Variants in YTHDF3 observed in about 807,000 individuals in gnomAD.
YTHDF3 encodes YTH domain-containing family protein 3.
In YTHDF3, 9 loss-of-function variants were observed where a neutral mutation model predicts 52.5. The observed-to-expected ratio is 0.17, with a 90% confidence interval of 0.10 to 0.30. The LOEUF is 0.30. YTHDF3 is among the 10% of genes least tolerant of loss of function. The pLI is 1.00. For synonymous variants in YTHDF3, 274 were observed against 243.3 expected, an observed-to-expected ratio of 1.13 and a Z score of -1.18; for missense variants, 534 against 715.0, an observed-to-expected ratio of 0.75 and a Z score of 2.89.
intron 3 of YTHDF3, among the ~76,000 whole-genome samples, chr8:63,176,969 G>A (rs1295821323): frequency 6.6e-6 from 1 of 152,148 alleles, no homozygotes; most frequent in Non-Finnish European, 1.5e-5. Context: ...ATGAGCCACC[G>A]TGCCCAGCCT....
intron 2 of YTHDF3, among the ~76,000 whole-genome samples, chr8:63,170,070 G>A (rs774216939): frequency 4.6e-5 from 7 of 152,108 alleles, no homozygotes; most frequent in Non-Finnish European, 1.0e-4. Flanking sequence ...TTTTTAAAAA[G>A]TGTGTTTTGT....
chr8:63,176,045 C>T (rs918234407), intron 3 of YTHDF3, among the ~76,000 whole-genome samples: 2 of 151,840 alleles, frequency 1.3e-5, no homozygotes, highest in African/African-American at 2.4e-5. Context: ...TGTGTACAAG[C>T]GTAATTCCAA....
At chr8:63,173,206 A>ATATATATATATATATATCTATATATC (rs1264719044) in intron 2 of YTHDF3, among the ~76,000 whole-genome samples, 1 of 145,390 alleles carries the variant, frequency 6.9e-6, no homozygotes, top group African/African-American at 2.7e-5. Context: ...TTATATTTAT[A>ATATATATATATATATATCTATATATC]TATATATACA....
At chr8:63,201,977 C>T (rs1006213765) in intron 4 of YTHDF3, among the ~76,000 whole-genome samples, 8 of 152,142 alleles carry the variant, frequency 5.3e-5, no homozygotes, top group African/African-American at 1.7e-4. Context: ...CCTATGCCAC[C>T]ATATATTTAG....
At chr8:63,195,200 A>G (rs1465174441) in intron 4 of YTHDF3, among the ~76,000 whole-genome samples, 2 of 152,202 alleles carry the variant, frequency 1.3e-5, no homozygotes, top group African/African-American at 4.8e-5. Flanking sequence ...GCTAGTTAGT[A>G]TTTGTATTAT....
chr8:63,179,868 C>A (rs1333488501), intron 3 of YTHDF3, among the ~76,000 whole-genome samples: 12 of 151,540 alleles, frequency 7.9e-5, no homozygotes, highest in Non-Finnish European at 1.8e-4. Flanking sequence ...CACCTCCCCC[C>A]GGATGGGGCG....
intron 3 of YTHDF3, among the ~76,000 whole-genome samples, chr8:63,181,762 C>T (rs1003234697): frequency 6.6e-6 from 1 of 152,142 alleles, no homozygotes; most frequent in Non-Finnish European, 1.5e-5. Flanking sequence ...TATTTTTTGT[C>T]TCCAGTAACC....
chr8:63,206,703 A>G (rs1417015929), intron 4 of YTHDF3, among the ~76,000 whole-genome samples: 1 of 152,166 alleles, frequency 6.6e-6, no homozygotes, highest in East Asian at 1.9e-4. Context: ...CGTGATATCT[A>G]GACTTCATTT....
At chr8:63,184,349 G>A (rs1401814087) in intron 3 of YTHDF3, among the ~76,000 whole-genome samples, 2 of 152,178 alleles carry the variant, frequency 1.3e-5, no homozygotes, top group Non-Finnish European at 2.9e-5. Context: ...ACTGGCAATA[G>A]CCAGTAAATC....
intron 4 of YTHDF3, among the ~76,000 whole-genome samples, chr8:63,195,018 T>C (rs1381000771): frequency 6.6e-6 from 1 of 152,198 alleles, no homozygotes; most frequent in Non-Finnish European, 1.5e-5. Flanking sequence ...TTTTATTGAC[T>C]GATTATTTTG....
chr8:63,190,665 A>G (rs1198032404), intron 4 of YTHDF3, among the ~76,000 whole-genome samples: 1 of 152,160 alleles, frequency 6.6e-6, no homozygotes, highest in Non-Finnish European at 1.5e-5. Flanking sequence ...AACTGTTCAA[A>G]TAAGGCAAAT....
intron 1 of YTHDF3, 197 bp downstream of exon 1, chr8:63,169,098 C>T (rs984174295): frequency 8.0e-6 from 11 of 1,380,568 alleles, no homozygotes; most frequent in African/African-American, 3.1e-5. Context: ...GGCGCGGTGC[C>T]GCGGCGGGTG....
At position 63,175,399 on chromosome 8, in the gene YTHDF3, A is replaced by C; in HGVS notation, c.118A>C (p.Ser40Arg). The change falls in exon 3 of 5, where the codon AGT becomes CGT. Residue 40 changes from serine (S) to arginine (R), a missense_variant. Physicochemically the swap from Ser to Arg is moderately radical, Grantham distance 110. Transcript: ENST00000539294. ...VNDDDFEPYL[S>R]SQTNQSNSYP... ...TGATGATGATTTTGAGCCATACTTAAGTAGCCAGACAAATCAGGTAAGTCT... is the reference window on the plus strand; with the variant it reads ...TGATGATGATTTTGAGCCATACTTACGTAGCCAGACAAATCAGGTAAGTCT... 1 of 1,611,922 alleles carries C rather than the reference A, an allele frequency of 6.2e-7. No individual in the cohort carries two copies.
intron 2 of YTHDF3, chr8:63,172,634 A>G (rs1355645674): frequency 1.1e-5 from 5 of 443,252 alleles, no homozygotes; most frequent in East Asian, 3.6e-5. Flanking sequence ...GGTATATGGT[A>G]TTGTCGCTGT....
chr8:63,169,330 A>G (rs771201488), intron 1 of YTHDF3, 57 bp from the exon 2 acceptor site: 143 of 1,561,794 alleles, frequency 9.2e-5, no homozygotes, highest in South Asian at 4.4e-4. Context: ...TGATTAACAC[A>G]CTTTTTCTTT....
intron 3 of YTHDF3, among the ~76,000 whole-genome samples, chr8:63,183,343 T>A (rs1030795846): frequency 3.3e-5 from 5 of 152,210 alleles, no homozygotes; most frequent in African/African-American, 1.2e-4. Flanking sequence ...AGAGTTTTTT[T>A]AATCACAGTG....
At position 63,169,182 on chromosome 8, in the gene YTHDF3, C is replaced by G. The variant is rs540950619; in HGVS notation, c.25-205C>G. The G allele has an allele frequency of 2.1e-4, 292 of 1,378,896 alleles. 5 individuals are homozygous for G. In the South Asian group the frequency reaches 4.3e-3, roughly 20 times the overall value. 85.4% of individuals were successfully genotyped at this position (1,378,896 alleles called of 1,614,324 possible). A position where few individuals can be genotyped will look rare whatever the true frequency, so the allele number is the denominator to read the frequency against. On this transcript the variant is annotated intron_variant, in intron 1 of 4. Transcript: ENST00000539294. ...AGACATGGGGCGGAGACCGGGCGAG[C>G]TCTGGGAGACGGATTCCGAGTGGCG...
At chr8:63,173,221 A>ATATATATATATATATATATATATAC (rs1807460256) in intron 2 of YTHDF3, among the ~76,000 whole-genome samples, 1 of 95,592 alleles carries the variant, frequency 1.0e-5, no homozygotes, top group African/African-American at 8.3e-5. Flanking sequence ...TATACAGATA[A>ATATATATATATATATATATATATAC]ATTTTAAGTA....
intron 4 of YTHDF3, among the ~76,000 whole-genome samples, chr8:63,196,081 C>T (rs1809218577): frequency 6.6e-6 from 1 of 151,934 alleles, no homozygotes. Context: ...GCATGAATCA[C>T]CACACCTGGC....
Sources: allele counts gnomAD v4.1 joint callset (sites outside exome capture counted in the v4.1 genomes callset), GRCh38; gene constraint gnomAD v4.1.1; transcripts MANE v1.5; gene names NCBI Gene and HGNC (gene_info 2026-07-23, HGNC 2026-07-21).